The following FOLH1 variants were observed in gnomAD, a reference collection of about 807,000 sequenced individuals.
The protein encoded by FOLH1 is glutamate carboxypeptidase 2.
A neutral mutation model predicts 93.9 loss-of-function variants in FOLH1; 54 were observed. The ratio of observed to expected loss-of-function variants is 0.57; its 90% CI spans 0.46 to 0.72. The LOEUF (loss-of-function observed/expected upper bound fraction) is 0.72. FOLH1 is among the 30% of genes least tolerant of loss of function. The pLI, the probability that FOLH1 is intolerant of heterozygous loss-of-function variation, is 0.00. For missense variants in FOLH1, 571 were observed against 892.5 expected, an observed-to-expected ratio of 0.64 and a Z score of 4.59; for synonymous variants, 249 against 303.6, an observed-to-expected ratio of 0.82 and a Z score of 1.87.
chr11:49,186,911 G>A lies in FOLH1; in HGVS notation c.514-142C>T, dbSNP rs184047257. ...AGAAATGCATGAGCTCCAAAGAAGA[G>A]ATTCAAGGGAAAAATGAATTTAAAT... is the stretch of plus-strand genomic sequence containing the variant. On this transcript the variant is annotated intron_variant, in intron 4 of 18. Transcript: ENST00000256999. The A allele has an allele frequency of 1.2e-3, 883 of 742,096 alleles. 3 individuals are homozygous for A. The highest frequency in any genetic ancestry group is 1.6e-3 in the Non-Finnish European group (790 of 492,626). 46.0% of individuals were successfully genotyped at this position (742,096 alleles called of 1,614,324 possible).
chr11:49,152,338 T>C (rs1763935291), intron 17 of FOLH1, among the ~76,000 whole-genome samples: 1 of 152,162 alleles, frequency 6.6e-6, no homozygotes, highest in Admixed American at 6.5e-5. Context: ...CTGTGACAGC[T>C]CTTGAACACA....
At chr11:49,174,871 C>T (rs1265041700) in intron 9 of FOLH1, 21 bp downstream of exon 9, 9 of 1,579,306 alleles carry the variant, frequency 5.7e-6, no homozygotes, top group African/African-American at 1.4e-5. Flanking sequence ...TCAATATTTG[C>T]TAAGCAAACG....
chr11:49,196,662 G>A (rs7126472), intron 3 of FOLH1, among the ~76,000 whole-genome samples: 5,134 of 152,100 alleles, frequency 0.034, 126 homozygotes, highest in Non-Finnish European at 0.051. Context: ...AAGAAAAATC[G>A]CATGCTCATC....
At chr11:49,179,721 C>T (rs1860503659) in intron 7 of FOLH1, among the ~76,000 whole-genome samples, 1 of 151,820 alleles carries the variant, frequency 6.6e-6, no homozygotes, top group Non-Finnish European at 1.5e-5. Context: ...AACTCTAAAG[C>T]ATAAGAAAGG....
Position 49,148,622 on chromosome 11 carries a change from A to G in FOLH1, c.2063+17T>C. 1 of 1,526,366 alleles carries G rather than the reference A, an allele frequency of 6.6e-7. No individual in the cohort carries two copies. Among genetic ancestry groups the G allele is most frequent in the South Asian group, 1.2e-5 (1 of 82,312 alleles). The allele number at this position is 1,526,366 out of a possible 1,614,324, so 94.6% of individuals were successfully genotyped here. On this transcript the variant is annotated intron_variant, in intron 18 of 18. Transcript: ENST00000256999. ...AAAAGTGATATTACAGAAAGGAGTCATATTTTCTTTTCTTACCTATAAAAA... is the reference window on the plus strand; with the variant it reads ...AAAAGTGATATTACAGAAAGGAGTCGTATTTTCTTTTCTTACCTATAAAAA...
At chr11:49,206,366 T>C (rs1371757338) in intron 1 of FOLH1, 194 bp from the exon 2 acceptor site, 1 of 961,456 alleles carries the variant, frequency 1.0e-6, no homozygotes, top group Non-Finnish European at 1.6e-6. Flanking sequence ...ATTTTTAAGT[T>C]GCAAACCAAT....
At chr11:49,161,368 A>G (rs577239356) in intron 13 of FOLH1, among the ~76,000 whole-genome samples, 130 of 151,470 alleles carry the variant, frequency 8.6e-4, no homozygotes, top group Non-Finnish European at 1.5e-3. Flanking sequence ...TGAATCCTTT[A>G]CCGTTACGTG....
At chr11:49,182,878 T>G (rs1860938437) in intron 7 of FOLH1, among the ~76,000 whole-genome samples, 1 of 152,100 alleles carries the variant, frequency 6.6e-6, no homozygotes, top group South Asian at 2.1e-4. Context: ...TAGTGGGGTT[T>G]CAAAGCACAA....
intron 18 of FOLH1, among the ~76,000 whole-genome samples, chr11:49,147,153 A>G (rs1346464672): frequency 1.3e-5 from 2 of 152,202 alleles, no homozygotes; most frequent in Non-Finnish European, 2.9e-5. Flanking sequence ...CAAATAAATT[A>G]AAGTGGTTCA....
intron 4 of FOLH1, among the ~76,000 whole-genome samples, chr11:49,191,204 G>A (rs190708437): frequency 1.5e-3 from 223 of 152,318 alleles, no homozygotes; most frequent in African/African-American, 5.0e-3. Flanking sequence ...AGTAGAGACA[G>A]GGTTTCACCG....
At chr11:49,164,256 AC>A (rs1186316420) in intron 13 of FOLH1, among the ~76,000 whole-genome samples, 2 of 152,190 alleles carry the variant, frequency 1.3e-5, no homozygotes, top group African/African-American at 4.8e-5. Flanking sequence ...GGAAGCCAGC[AC>A]CTGGTATTCT....
In FOLH1 at chr11:49,176,912, G is replaced by C. The variant is rs186392805; in HGVS notation, c.921-955C>G. ...ATCTGATATTATACTGAGATGTTTA[G>C]TTATGAAATCAAAAGTGGAGAATTT... On this transcript the variant is annotated intron_variant, in intron 7 of 18. Coordinates refer to ENST00000256999, the MANE Select transcript of FOLH1 (RefSeq NM_004476.3). Among the ~76,000 whole-genome samples, 594 of 152,192 alleles carry C rather than the reference G, an allele frequency of 3.9e-3. 5 individuals carry two copies. Among genetic ancestry groups the C allele is most frequent in the African/African-American group, 0.014 (571 of 41,508 alleles).
chr11:49,149,477 CA>C (rs1202075518), intron 17 of FOLH1, among the ~76,000 whole-genome samples: 1 of 152,018 alleles, frequency 6.6e-6, no homozygotes, highest in Non-Finnish European at 1.5e-5. Context: ...TCTTAGTCTT[CA>C]TGTTGTTAAG....
chr11:49,164,094 G>A (rs1858083377), intron 13 of FOLH1, among the ~76,000 whole-genome samples: 2 of 152,048 alleles, frequency 1.3e-5, no homozygotes, highest in African/African-American at 4.8e-5. Flanking sequence ...ATTTCTCTTT[G>A]TGAGAGCCAC....
chr11:49,154,184 A>G (rs1368045745), intron 16 of FOLH1, 44 bp downstream of exon 16: 3 of 1,598,990 alleles, frequency 1.9e-6, no homozygotes, highest in Non-Finnish European at 2.6e-6. Flanking sequence ...GGAGATTAAT[A>G]GAACCATACA....
intron 10 of FOLH1, among the ~76,000 whole-genome samples, 188 bp downstream of exon 10, chr11:49,173,167 AAT>A (rs1352466205): frequency 1.3e-5 from 2 of 152,274 alleles, no homozygotes; most frequent in East Asian, 1.9e-4. Context: ...AAATATCAAT[AAT>A]ATATGTGTTA....
intron 15 of FOLH1, among the ~76,000 whole-genome samples, chr11:49,155,838 TCAACAACAAAAGAAAGG>T (rs1856973460): frequency 5.2e-5 from 2 of 38,820 alleles, no homozygotes; most frequent in Admixed American, 3.2e-4. Context: ...ATATATATAA[TCAACAACAAAAGAAAGG>T]GAATCATGAC....
At position 49,208,449 on chromosome 11, in the gene FOLH1, G is replaced by A; in HGVS notation, c.-40C>T. On this transcript the variant is annotated 5_prime_UTR_variant, in exon 1 of 19. Transcript: ENST00000256999. ...AGCCGGCCTCCCGGGACCCGCGCCTGTGCTGCTGCTCTACTGCGCGCCCTC... is the reference window on the plus strand; with the variant it reads ...AGCCGGCCTCCCGGGACCCGCGCCTATGCTGCTGCTCTACTGCGCGCCCTC... 1.4e-6 allele frequency: 2 copies of A among 1,441,120 alleles called. No homozygotes were observed. The highest frequency in any genetic ancestry group is 1.9e-6 in the Non-Finnish European group (2 of 1,045,146). The allele number at this position is 1,441,120 out of a possible 1,614,324, so 89.3% of individuals were successfully genotyped here. A position where few individuals can be genotyped will look rare whatever the true frequency, so the allele number is the denominator to read the frequency against.
chr11:49,208,237 C>T, intron 1 of FOLH1, 55 bp downstream of exon 1: 1 of 1,284,778 alleles, frequency 7.8e-7, no homozygotes, highest in Non-Finnish European at 1.1e-6. Flanking sequence ...CGAGTCCCAG[C>T]ACCGCGGCAC....
Sources: allele counts gnomAD v4.1 joint callset (sites outside exome capture counted in the v4.1 genomes callset), GRCh38; gene constraint gnomAD v4.1.1; transcripts MANE v1.5; gene names NCBI Gene and HGNC (gene_info 2026-07-23, HGNC 2026-07-21).